RAB8A: variants seen among roughly 807,000 people sequenced by gnomAD.
RAB8A encodes the protein ras-related protein Rab-8A.
In RAB8A, 5 loss-of-function variants were observed where a neutral mutation model predicts 29.2. That is an observed-to-expected ratio of 0.17 (90% confidence interval 0.09 to 0.36). The LOEUF is 0.36. Ranked by LOEUF, RAB8A falls within the 10% of genes least tolerant of loss-of-function variation. The pLI, the probability that RAB8A is intolerant of heterozygous loss-of-function variation, is 1.00. For missense variants in RAB8A, 171 were observed against 272.2 expected (o/e 0.63, Z 2.62); for synonymous variants, 108 against 99.9 (o/e 1.08, Z -0.49).
In RAB8A at chr19:16,122,580, C is replaced by T. The variant is rs924602906; in HGVS notation, c.246+770C>T. On this transcript the variant is annotated intron_variant, in intron 3 of 7. Coordinates refer to ENST00000300935, the MANE Select transcript of RAB8A (RefSeq NM_005370.5). The surrounding 1 kb of genome is among the most constrained non-coding windows in gnomAD (Gnocchi z 4.7). The stretch of plus-strand genomic sequence containing the variant: ...TCCCTCTGCTCCCCACTCTTTCCTC[C>T]GCATACCCCATCATTTAATTGCTCA... Among the ~76,000 whole-genome samples, 7 of 152,308 alleles carry T rather than the reference C, an allele frequency of 4.6e-5. No individual in the cohort carries two copies. Among genetic ancestry groups the T allele is most frequent in the South Asian group, 4.1e-4 (2 of 4,822 alleles).
intron 1 of RAB8A, 83 bp from the exon 2 acceptor site, chr19:16,118,143 C>T (rs1275340632): frequency 2.4e-6 from 3 of 1,225,256 alleles, no homozygotes; most frequent in East Asian, 2.4e-5. Flanking sequence ...CAGCTGTCAC[C>T]TGCACAGGTT....
At position 16,111,896 on chromosome 19, in the gene RAB8A, T is replaced by C. The variant is rs1174094885; in HGVS notation, c.-6T>C. The C allele has an allele frequency of 5.6e-6, 9 of 1,613,202 alleles. No individual in the cohort carries two copies. Among genetic ancestry groups the C allele is most frequent in the Admixed American group, 3.3e-5 (2 of 59,990 alleles). ...GCCGCACTTCCCGTCGGGGAGAGAG[T>C]GTAATATGGCGAAGACCTACGATTA... On this transcript the variant is annotated 5_prime_UTR_variant, in exon 1 of 8. Coordinates refer to ENST00000300935, the MANE Select transcript of RAB8A (RefSeq NM_005370.5).
At position 16,118,282 on chromosome 19, in the gene RAB8A, A is replaced by C; in HGVS notation, c.181A>C (p.Ile61Leu). 6.2e-7 allele frequency: 1 copy of C among 1,610,096 alleles called. No homozygotes were observed. Among genetic ancestry groups the C allele is most frequent in the Non-Finnish European group, 8.5e-7 (1 of 1,177,912 alleles). Residue 61 changes from isoleucine (I) to leucine (L), a missense_variant, in exon 2 of 8, where the codon ATA becomes CTA. Around this residue, in one of 3 missense-constraint regions of RAB8A, gnomAD observed 145 missense variants for 212.8 expected, o/e 0.68. Transcript: ENST00000300935. ...CGATGGCAAGAGAATTAAACTGCAG[A>C]TATGGTAAGAGTCATTGTTCTCTGT... ...ELDGKRIKLQ[I>L]WDTAGQERFR... is the part of the protein sequence containing the mutation.
chr19:16,119,715 C>T (rs1218091352), intron 2 of RAB8A, among the ~76,000 whole-genome samples: 1 of 152,154 alleles, frequency 6.6e-6, no homozygotes, highest in Non-Finnish European at 1.5e-5. Flanking sequence ...CACTTTCCTC[C>T]TGCCTTCCTG....
At position 16,125,983 on chromosome 19, in the gene RAB8A, C is replaced by G. The variant is rs1379763719; in HGVS notation, c.324+436C>G. Reference sequence around the variant, plus strand: ...CTGGTACAAACGACCTGTGTTCAGACCTTGAACCATAGAGCAGTGAGAAGT... The same window carrying G: ...CTGGTACAAACGACCTGTGTTCAGAGCTTGAACCATAGAGCAGTGAGAAGT... On this transcript the variant is annotated intron_variant, in intron 4 of 7. Transcript: ENST00000300935. The surrounding 1 kb of genome is among the most constrained non-coding windows in gnomAD (Gnocchi z 5.0). 6.7e-6 allele frequency: 2 copies of G among 296,770 alleles called. No individual in the cohort carries two copies. Among genetic ancestry groups the G allele is most frequent in the East Asian group, 1.5e-4 (2 of 13,030 alleles). The allele number at this position is 296,770 out of a possible 1,614,324, so 18.4% of individuals were successfully genotyped here.
rs1568317890 is a variant in RAB8A, at chr19:16,111,999, T to A, written c.98T>A (p.Phe33Tyr). 6.2e-7 allele frequency: 1 copy of A among 1,613,994 alleles called. No individual in the cohort carries two copies. The highest frequency in any genetic ancestry group is 8.5e-7 in the Non-Finnish European group (1 of 1,179,866). Residue 33 changes from phenylalanine to tyrosine, a missense_variant, in exon 1 of 8, where the codon TTC (phenylalanine) becomes TAC (tyrosine). Physicochemically the swap from Phe to Tyr is conservative, Grantham distance 22. Around this residue, in one of 3 missense-constraint regions of RAB8A, gnomAD observed 26 missense variants for 42.9 expected, o/e 0.61. Coordinates refer to ENST00000300935, the MANE Select transcript of RAB8A (RefSeq NM_005370.5). Reference sequence around the variant, plus strand: ...CTGTTCCGCTTCTCCGAGGACGCCTTCAACTCCACTTTTATCTCCACCATA... The same window carrying A: ...CTGTTCCGCTTCTCCGAGGACGCCTACAACTCCACTTTTATCTCCACCATA... ...CVLFRFSEDA[F>Y]NSTFISTIGI... is the part of the protein sequence containing the mutation.
intron 2 of RAB8A, among the ~76,000 whole-genome samples, chr19:16,119,762 C>G (rs1213883161): frequency 6.6e-6 from 1 of 151,602 alleles, no homozygotes; most frequent in African/African-American, 2.4e-5. Flanking sequence ...GTTAGTGACT[C>G]AAAACTCTTC....
At chr19:16,129,029 A>G (rs2090914121) in intron 6 of RAB8A, among the ~76,000 whole-genome samples, 1 of 152,170 alleles carries the variant, frequency 6.6e-6, no homozygotes, top group Non-Finnish European at 1.5e-5. Context: ...TCCCGCTCCC[A>G]GCCCTGCCAG....
intron 2 of RAB8A, among the ~76,000 whole-genome samples, chr19:16,118,669 C>T (rs1223058058): frequency 6.6e-6 from 1 of 152,206 alleles, no homozygotes; most frequent in Non-Finnish European, 1.5e-5. Flanking sequence ...CGAGAGTTTC[C>T]TTTTGAGCCT....
intron 1 of RAB8A, among the ~76,000 whole-genome samples, chr19:16,114,016 G>A (rs1160475855): frequency 1.3e-5 from 2 of 152,146 alleles, no homozygotes; most frequent in Non-Finnish European, 2.9e-5. Context: ...CCCACTCCAA[G>A]GCTAAACTTT....
intron 1 of RAB8A, among the ~76,000 whole-genome samples, chr19:16,112,966 G>T (rs1420426559): frequency 6.6e-6 from 1 of 152,154 alleles, no homozygotes; most frequent in African/African-American, 2.4e-5. Context: ...AACTAAATCA[G>T]CCACTGCCAC....
At chr19:16,131,852 ATGGTTGGT>A (rs72439769) in intron 7 of RAB8A, among the ~76,000 whole-genome samples, 66,278 of 142,170 alleles carry the variant, frequency 0.47, 15,389 homozygotes, top group Middle Eastern at 0.5. Flanking sequence ...GTATAGATGG[ATGGTTGGT>A]TGGTTGGTTG....
chr19:16,113,064 G>A (rs914081563), intron 1 of RAB8A, among the ~76,000 whole-genome samples: 3 of 152,230 alleles, frequency 2.0e-5, no homozygotes, highest in Admixed American at 1.3e-4. Context: ...CCACATTGTG[G>A]TTGAACAGAA....
intron 7 of RAB8A, among the ~76,000 whole-genome samples, chr19:16,129,904 G>A (rs988167893): frequency 7.2e-5 from 11 of 152,094 alleles, no homozygotes; most frequent in South Asian, 2.1e-4. Flanking sequence ...TGGTGTGCAA[G>A]GACAGAGAGC....
In RAB8A at chr19:16,128,058, G is replaced by A; in HGVS notation, c.447G>A (p.Glu149=). 1 of 1,614,164 alleles carries A rather than the reference G, an allele frequency of 6.2e-7. No individual in the cohort carries two copies. ...LALDYGIKFM[E]TSAKANINVE... The stretch of plus-strand genomic sequence containing the variant: ...TCGACTATGGAATCAAGTTCATGGA[G>A]ACCAGCGCGAAGGCCAACATCAATG... The change falls in exon 6 of 8, where the codon GAG becomes GAA. Residue 149 remains glutamate, a synonymous_variant. Transcript: ENST00000300935.
chr19:16,133,974 C>G lies in RAB8A; in HGVS notation c.*1670C>G, dbSNP rs1299050037. The G allele has an allele frequency of 6.6e-6, 1 of 152,380 alleles. No homozygotes were observed. Among genetic ancestry groups the G allele is most frequent in the Non-Finnish European group, 1.5e-5 (1 of 68,174 alleles). 9.4% of individuals were successfully genotyped at this position (152,380 alleles called of 1,614,324 possible). ...CCTCCTGCCTCCCTGGCAGGTCCTTCTAGGGGCCCTCTCCTGGCTGGCTTT... is the reference window on the plus strand; with the variant it reads ...CCTCCTGCCTCCCTGGCAGGTCCTTGTAGGGGCCCTCTCCTGGCTGGCTTT... On this transcript the variant is annotated 3_prime_UTR_variant, in exon 8 of 8. Coordinates refer to ENST00000300935, the MANE Select transcript of RAB8A (RefSeq NM_005370.5).
intron 4 of RAB8A, chr19:16,126,489 G>A (rs904669449): frequency 6.6e-6 from 1 of 152,350 alleles, no homozygotes; most frequent in African/African-American, 2.4e-5. Context: ...CCAAGTCTGA[G>A]CTGGTGGAAG....
At chr19:16,117,498 AAAAG>A (rs982216123) in intron 1 of RAB8A, among the ~76,000 whole-genome samples, 10 of 152,070 alleles carry the variant, frequency 6.6e-5, no homozygotes, top group Non-Finnish European at 8.8e-5. Flanking sequence ...CAAAAAAAAA[AAAAG>A]AAAGTAAGTT....
chr19:16,125,005 GGGC>G lies in RAB8A; in HGVS notation c.247-464_247-462del. ...TGTGGATGTCGGGTCAGGACTTCCT[GGGC>G]TCAGTTGTGCCTGGTAGGTGGCTCA... On this transcript the variant is annotated intron_variant, in intron 3 of 7. Transcript: ENST00000300935. This position sits in a 1 kb window ranked among gnomAD's most constrained non-coding sequence, Gnocchi z 5.0. 1 of 183,030 alleles carries G rather than the reference GGGC, an allele frequency of 5.5e-6. No individual in the cohort carries two copies. Among genetic ancestry groups the G allele is most frequent in the Non-Finnish European group, 1.2e-5 (1 of 85,818 alleles). The allele number at this position is 183,030 out of a possible 1,614,324, so 11.3% of individuals were successfully genotyped here.
Sources: gnomAD v4.1 joint callset for allele counts (sites outside exome capture counted in the v4.1 genomes callset) on GRCh38, gnomAD v4.1.1 for gene constraint, gnomAD v4.1.1 regional missense constraint, Gnocchi (gnomAD v3.1) non-coding constraint, MANE v1.5 for transcripts, NCBI Gene and HGNC (gene_info 2026-07-23, HGNC 2026-07-21) for gene names.